SLC35G5: variants seen among roughly 807,000 people sequenced by gnomAD.
SLC35G5 encodes the protein solute carrier family 35 member G5, also known as acyl-malonyl condensing enzyme 1-like 2.
A neutral mutation model predicts 17.6 loss-of-function variants in SLC35G5; 14 were observed. The observed-to-expected ratio is 0.79, with a 90% CI of 0.52 to 1.24. The LOEUF is 1.24. Ranked by LOEUF, SLC35G5 falls within the 50% of genes most tolerant of loss-of-function variation. SLC35G5 has a pLI of 0.00. For synonymous variants in SLC35G5, 236 were observed against 194.9 expected (o/e 1.21, Z -1.76); for missense variants, 541 against 430.3 (o/e 1.26, Z -2.28).
rs1187737594 is a variant in SLC35G5, at chr8:11,331,536, G to C, written c.430G>C (p.Val144Leu). 2.5e-6 allele frequency: 4 copies of C among 1,613,834 alleles called. No homozygotes were observed. In the Admixed American group the frequency reaches 5.0e-5, roughly 20 times the overall value. Reference protein sequence around the residue: ...RKGSSTVCSAVLTLCLESQGL... With the variant: ...RKGSSTVCSALLTLCLESQGL... The stretch of plus-strand genomic sequence containing the variant: ...AGGTTCTTCCACCGTATGCTCCGCT[G>C]TCCTCACCCTCTGCCTTGAGAGCCA... Residue 144 changes from valine to leucine, a missense_variant, in exon 1 of 1, where the codon GTC (valine) becomes CTC (leucine). Coordinates refer to ENST00000382435, the MANE Select transcript of SLC35G5 (RefSeq NM_054028.2).
chr8:11,331,719 C>G lies in SLC35G5; in HGVS notation c.613C>G (p.Leu205Val). The G allele has an allele frequency of 6.2e-7, 1 of 1,611,960 alleles. No homozygotes were observed. The highest frequency in any genetic ancestry group is 8.5e-7 in the Non-Finnish European group (1 of 1,179,830). ...TTTCCTGGGAGGCCTGGCGCTGTCC[C>G]TGGGGCTTCTGGTCTATCGTTCTCT... is the stretch of plus-strand genomic sequence containing the variant. ...QAFLGGLALS[L>V]GLLVYRSLHF... The change falls in exon 1 of 1, where the codon CTG (leucine) becomes GTG (valine). Residue 205 changes from leucine (L) to valine (V), a missense_variant. Coordinates refer to ENST00000382435, the MANE Select transcript of SLC35G5 (RefSeq NM_054028.2).
At position 11,331,448 on chromosome 8, in the gene SLC35G5, C is replaced by T. The variant is rs773934039; in HGVS notation, c.342C>T (p.Ser114=). The T allele has an allele frequency of 3.1e-6, 5 of 1,613,906 alleles. No homozygotes were observed. In the African/African-American group the frequency reaches 5.3e-5, roughly 17 times the overall value. ...TCTGTGCCCTGCTCAACGTCCTCAG[C>T]ATTGGATGTGCCTACAGTGCAGTTC... The part of the protein sequence containing the change: ...ACFCALLNVL[S]IGCAYSAVQV... Residue 114 remains serine, a synonymous_variant, in exon 1 of 1, where the codon AGC becomes AGT. Coordinates refer to ENST00000382435, the MANE Select transcript of SLC35G5 (RefSeq NM_054028.2).
In SLC35G5 at chr8:11,331,796, G is replaced by A; in HGVS notation, c.690G>A (p.Gly230=). 6.2e-7 allele frequency: 1 copy of A among 1,611,740 alleles called. No homozygotes were observed. Residue 230 remains glycine, a synonymous_variant, in exon 1 of 1, where the codon GGG becomes GGA. Transcript: ENST00000382435. ...TGGCCTTCCTATCTGGCTTGGTGGGGCTGCTGGGCTGTGTGCCAGGCCTCT... is the reference window on the plus strand; with the variant it reads ...TGGCCTTCCTATCTGGCTTGGTGGGACTGCTGGGCTGTGTGCCAGGCCTCT... ...PTVAFLSGLV[G]LLGCVPGLFV...
In SLC35G5 at chr8:11,331,479, G is replaced by T. The variant is rs758879812; in HGVS notation, c.373G>T (p.Val125Leu). The change falls in exon 1 of 1, where the codon GTG becomes TTG. Residue 125 changes from valine to leucine, a missense_variant. Transcript: ENST00000382435. ...IGCAYSAVQV[V>L]PAGNAATVRK... is the part of the protein sequence containing the mutation. Reference sequence around the variant, plus strand: ...ATGTGCCTACAGTGCAGTTCAGGTGGTGCCCGCTGGCAACGCTGCCACTGT... The same window carrying T: ...ATGTGCCTACAGTGCAGTTCAGGTGTTGCCCGCTGGCAACGCTGCCACTGT... The T allele has an allele frequency of 1.2e-6, 2 of 1,613,926 alleles. No homozygotes were observed. The highest frequency in any genetic ancestry group is 2.2e-5 in the South Asian group (2 of 91,070).
In SLC35G5 at chr8:11,331,166, C is replaced by A; in HGVS notation, c.60C>A (p.Ser20=). Residue 20 remains serine, a synonymous_variant, in exon 1 of 1, where the codon TCC becomes TCA. Transcript: ENST00000382435. ...LPDSTHPSPP[S]APPSLRWHQR... is the part of the protein sequence containing the mutation. Reference sequence around the variant, plus strand: ...ACTCCACACACCCATCGCCGCCCTCCGCTCCACCCAGCCTCCGCTGGCACC... The same window carrying A: ...ACTCCACACACCCATCGCCGCCCTCAGCTCCACCCAGCCTCCGCTGGCACC... 6.2e-7 allele frequency: 1 copy of A among 1,612,910 alleles called. No individual in the cohort carries two copies.
rs1340632891 is a variant in SLC35G5 at position 11,331,741 on chromosome 8, C to G, written c.635C>G (p.Ser212Cys). The change falls in exon 1 of 1, where the codon TCT becomes TGT. Residue 212 changes from serine (S) to cysteine (C), a missense_variant. Ser to Cys is a moderately radical substitution (Grantham distance 112). Transcript: ENST00000382435. ...ALSLGLLVYR[S>C]LHFPSCLPTV... The stretch of plus-strand genomic sequence containing the variant: ...TCCCTGGGGCTTCTGGTCTATCGTT[C>G]TCTGCACTTTCCCTCCTGCCTCCCA... The G allele has an allele frequency of 1.2e-6, 2 of 1,611,958 alleles. No homozygotes were observed. The highest frequency in any genetic ancestry group is 1.1e-5 in the South Asian group (1 of 90,980).
At position 11,331,340 on chromosome 8, in the gene SLC35G5, C is replaced by G. The variant is rs772343710; in HGVS notation, c.234C>G (p.Leu78=). The G allele has an allele frequency of 1.9e-6, 3 of 1,613,998 alleles. No individual in the cohort carries two copies. Among genetic ancestry groups the G allele is most frequent in the South Asian group, 2.2e-5 (2 of 91,080 alleles). ...PSLELLICRC[L]FHLPIALLLK... ...TGGAGCTGCTCATCTGTCGATGCCT[C>G]TTCCACCTCCCTATTGCCCTGCTAC... The change falls in exon 1 of 1, where the codon CTC becomes CTG. Residue 78 remains leucine, a synonymous_variant. Coordinates refer to ENST00000382435, the MANE Select transcript of SLC35G5 (RefSeq NM_054028.2).
chr8:11,331,240 T>A lies in SLC35G5; in HGVS notation c.134T>A (p.Leu45Gln). 1 of 1,613,824 alleles carries A rather than the reference T, an allele frequency of 6.2e-7. No homozygotes were observed. Among genetic ancestry groups the A allele is most frequent in the Non-Finnish European group, 8.5e-7 (1 of 1,179,904 alleles). Residue 45 changes from leucine (L) to glutamine (Q), a missense_variant, in exon 1 of 1, where the codon CTG becomes CAG. Leu to Gln is a moderately radical substitution (Grantham distance 113). Coordinates refer to ENST00000382435, the MANE Select transcript of SLC35G5 (RefSeq NM_054028.2). ...GATNGLLVALLGGGLPAGFVG... is the reference protein window; with the variant it reads ...GATNGLLVALQGGGLPAGFVG... Reference sequence around the variant, plus strand: ...ACCAATGGCCTGCTGGTGGCCCTGCTGGGTGGGGGCCTGCCTGCTGGCTTC... The same window carrying A: ...ACCAATGGCCTGCTGGTGGCCCTGCAGGGTGGGGGCCTGCCTGCTGGCTTC...
At position 11,331,219 on chromosome 8, in the gene SLC35G5, A is replaced by G. The variant is rs751540064; in HGVS notation, c.113A>G (p.Asn38Ser). The G allele has an allele frequency of 2.5e-5, 41 of 1,613,834 alleles. No homozygotes were observed. Among genetic ancestry groups the G allele is most frequent in the Admixed American group, 1.2e-4 (7 of 59,994 alleles). ...HQRCQPSGAT[N>S]GLLVALLGGG... ...CGCTGCCAGCCCTCTGGTGCCACCA[A>G]TGGCCTGCTGGTGGCCCTGCTGGGT... is the stretch of plus-strand genomic sequence containing the variant. Residue 38 changes from asparagine to serine, a missense_variant, in exon 1 of 1, where the codon AAT becomes AGT. By Grantham distance (46) the Asn-to-Ser change is conservative. Transcript: ENST00000382435.
chr8:11,331,705 G>A lies in SLC35G5; in HGVS notation c.599G>A (p.Gly200Asp). Residue 200 changes from glycine to aspartate, a missense_variant, in exon 1 of 1, where the codon GGC becomes GAC. Transcript: ENST00000382435. ...TLGYVQAFLGGLALSLGLLVY... is the reference protein window; with the variant it reads ...TLGYVQAFLGDLALSLGLLVY... ...GGCTATGTGCAGGCTTTCCTGGGAG[G>A]CCTGGCGCTGTCCCTGGGGCTTCTG... is the stretch of plus-strand genomic sequence containing the variant. The A allele has an allele frequency of 6.2e-7, 1 of 1,611,952 alleles. No homozygotes were observed. The highest frequency in any genetic ancestry group is 2.3e-4 in the Middle Eastern group (1 of 4,442).
In SLC35G5 at chr8:11,332,226, C is replaced by T; in HGVS notation, c.*103C>T. 6.8e-7 allele frequency: 1 copy of T among 1,479,938 alleles called. No homozygotes were observed. The highest frequency in any genetic ancestry group is 9.0e-7 in the Non-Finnish European group (1 of 1,112,520). The allele number at this position is 1,479,938 out of a possible 1,614,324, so 91.7% of individuals were successfully genotyped here. A position where few individuals can be genotyped will look rare whatever the true frequency, so the allele number is the denominator to read the frequency against. ...AGAAAAAAAATAATTATAATAAATC[C>T]TAGGAAAGAGTGAAAGTCTAACTTC... On this transcript the variant is annotated 3_prime_UTR_variant, in exon 1 of 1. Transcript: ENST00000382435.
rs1323459391 is a variant in SLC35G5, at chr8:11,332,162, A to G, written c.*39A>G. On this transcript the variant is annotated 3_prime_UTR_variant, in exon 1 of 1. Coordinates refer to ENST00000382435, the MANE Select transcript of SLC35G5 (RefSeq NM_054028.2). Reference sequence around the variant, plus strand: ...AGCCCGGGGGTTGGGAGGGACAGGGATAAATAAAGACAAAGACTGAAGACA... The same window carrying G: ...AGCCCGGGGGTTGGGAGGGACAGGGGTAAATAAAGACAAAGACTGAAGACA... 5.0e-6 allele frequency: 8 copies of G among 1,610,056 alleles called. No homozygotes were observed. The highest frequency in any genetic ancestry group is 6.8e-6 in the Non-Finnish European group (8 of 1,179,240).
In SLC35G5 at chr8:11,331,924, C is replaced by T. The variant is rs754220091; in HGVS notation, c.818C>T (p.Ala273Val). 1.6e-4 allele frequency: 255 copies of T among 1,611,888 alleles called. 3 individuals are homozygous for T. In the East Asian group the frequency reaches 4.3e-3, roughly 27 times the overall value. Residue 273 changes from alanine to valine, a missense_variant, in exon 1 of 1, where the codon GCG becomes GTG. Transcript: ENST00000382435. ...GTCTCCTTCACATGTGTGGGCTATG[C>T]GGTCACCAAGGCCCACCCTGCCCTG... is the stretch of plus-strand genomic sequence containing the variant. The part of the protein sequence containing the change: ...ALVSFTCVGY[A>V]VTKAHPALVC...
chr8:11,332,175 A>C lies in SLC35G5; in HGVS notation c.*52A>C, dbSNP rs1801262889. The C allele has an allele frequency of 6.4e-7, 1 of 1,573,872 alleles. No homozygotes were observed. Among genetic ancestry groups the C allele is most frequent in the African/African-American group, 1.4e-5 (1 of 72,260 alleles). On this transcript the variant is annotated 3_prime_UTR_variant, in exon 1 of 1. Coordinates refer to ENST00000382435, the MANE Select transcript of SLC35G5 (RefSeq NM_054028.2). The stretch of plus-strand genomic sequence containing the variant: ...GGAGGGACAGGGATAAATAAAGACA[A>C]AGACTGAAGACAAAAAAAAAATAAA...
rs1801246428 is a variant in SLC35G5, at chr8:11,331,860, A to C, written c.754A>C (p.Ser252Arg). The C allele has an allele frequency of 6.2e-7, 1 of 1,611,680 alleles. No individual in the cohort carries two copies. The highest frequency in any genetic ancestry group is 1.7e-5 in the Admixed American group (1 of 59,990). ...CCCCGTGTTGCCCAGTGACCTCCTG[A>C]GTTGGAGTTGTGTGGGGGCAGAGGG... is the stretch of plus-strand genomic sequence containing the variant. ...QTPVLPSDLL[S>R]WSCVGAEGIL... is the part of the protein sequence containing the mutation. The change falls in exon 1 of 1, where the codon AGT (serine) becomes CGT (arginine). Residue 252 changes from serine (S) to arginine (R), a missense_variant. Physicochemically the swap from Ser to Arg is moderately radical, Grantham distance 110 (BLOSUM62 -1). Coordinates refer to ENST00000382435, the MANE Select transcript of SLC35G5 (RefSeq NM_054028.2).
Position 11,331,153 on chromosome 8 carries a change from C to G in SLC35G5, c.47C>G (p.Pro16Arg), listed in dbSNP as rs775162152. Residue 16 changes from proline to arginine, a missense_variant, in exon 1 of 1, where the codon CCA becomes CGA. Pro to Arg is a moderately radical substitution (Grantham distance 103). Coordinates refer to ENST00000382435, the MANE Select transcript of SLC35G5 (RefSeq NM_054028.2). ...PYFNLPDSTH[P>R]SPPSAPPSLR... ...TTCAACCTGCCTGACTCCACACACC[C>G]ATCGCCGCCCTCCGCTCCACCCAGC... The G allele has an allele frequency of 1.8e-5, 29 of 1,611,374 alleles. No homozygotes were observed. The highest frequency in any genetic ancestry group is 2.5e-5 in the Non-Finnish European group (29 of 1,178,602).
At position 11,331,523 on chromosome 8, in the gene SLC35G5, C is replaced by T. The variant is rs145037786; in HGVS notation, c.417C>T (p.Thr139=). Residue 139 remains threonine, a synonymous_variant, in exon 1 of 1, where the codon ACC becomes ACT. Coordinates refer to ENST00000382435, the MANE Select transcript of SLC35G5 (RefSeq NM_054028.2). ...NAATVRKGSS[T]VCSAVLTLCL... The stretch of plus-strand genomic sequence containing the variant: ...CCACTGTTCGCAAAGGTTCTTCCAC[C>T]GTATGCTCCGCTGTCCTCACCCTCT... The T allele has an allele frequency of 8.5e-5, 137 of 1,613,652 alleles. 1 individual carries two copies. Among genetic ancestry groups the T allele is most frequent in the South Asian group, 3.5e-4 (32 of 91,052 alleles).
Position 11,331,603 on chromosome 8 carries a change from T to C in SLC35G5, c.497T>C (p.Ile166Thr). The C allele has an allele frequency of 6.2e-7, 1 of 1,613,458 alleles. No homozygotes were observed. The highest frequency in any genetic ancestry group is 8.5e-7 in the Non-Finnish European group (1 of 1,179,822). The change falls in exon 1 of 1, where the codon ATC becomes ACC. Residue 166 changes from isoleucine to threonine, a missense_variant. Transcript: ENST00000382435. ...GAGTGGTGTGGACTGTTGGGCAGCA[T>C]CCTAGGACTAATCATCATTCTGGGA... ...GYEWCGLLGS[I>T]LGLIIILGPG...
In SLC35G5 at chr8:11,331,173, C is replaced by A. The variant is rs751584776; in HGVS notation, c.67C>A (p.Pro23Thr). 1 of 1,613,290 alleles carries A rather than the reference C, an allele frequency of 6.2e-7. No homozygotes were observed. Among genetic ancestry groups the A allele is most frequent in the African/African-American group, 1.3e-5 (1 of 74,888 alleles). The part of the protein sequence containing the change: ...STHPSPPSAP[P>T]SLRWHQRCQP... ...ACACCCATCGCCGCCCTCCGCTCCA[C>A]CCAGCCTCCGCTGGCACCAGCGCTG... Residue 23 changes from proline to threonine, a missense_variant, in exon 1 of 1, where the codon CCC (proline) becomes ACC (threonine). Transcript: ENST00000382435.
Sources: gnomAD v4.1 joint callset for allele counts on GRCh38, gnomAD v4.1.1 for gene constraint, MANE v1.5 for transcripts, NCBI Gene and HGNC (gene_info 2026-07-23, HGNC 2026-07-21) for gene names.